TBL1X: variants seen among roughly 807,000 people sequenced by gnomAD.
TBL1X encodes the protein F-box-like/WD repeat-containing protein TBL1X.
Under a neutral mutation model 50.7 loss-of-function variants are expected in TBL1X, and 10 were observed. The observed-to-expected ratio is 0.20, with a 90% CI of 0.12 to 0.33. The LOEUF (loss-of-function observed/expected upper bound fraction) is 0.33. TBL1X is among the 10% of genes least tolerant of loss of function. The pLI, the probability that TBL1X is intolerant of heterozygous loss-of-function variation, is 1.00. For missense variants in TBL1X, 340 were observed against 504.4 expected, an observed-to-expected ratio of 0.67 and a Z score of 3.12; for synonymous variants, 190 against 214.7, an observed-to-expected ratio of 0.88 and a Z score of 1.01.
At chrX:9,508,413 C>T (rs61691888) in intron 2 of TBL1X, among the ~76,000 whole-genome samples, 15,385 of 111,187 alleles carry the variant, frequency 0.14, 816 homozygotes, top group South Asian at 0.29. Flanking sequence ...AGTCAGATGG[C>T]GATTATTGAA....
intron 2 of TBL1X, among the ~76,000 whole-genome samples, chrX:9,627,457 C>T (rs1178679693): frequency 1.8e-5 from 2 of 111,997 alleles, no homozygotes; most frequent in Non-Finnish European, 3.8e-5. Context: ...CAAGACTTAT[C>T]TGAGTCAGGA....
At chrX:9,508,054 C>T (rs2082034992) in intron 2 of TBL1X, among the ~76,000 whole-genome samples, 1 of 112,303 alleles carries the variant, frequency 8.9e-6, no homozygotes, top group South Asian at 3.6e-4. Flanking sequence ...ATGACTAAAA[C>T]ACCAAAAGCA....
At chrX:9,519,105 G>C (rs1227371403) in intron 2 of TBL1X, among the ~76,000 whole-genome samples, 1 of 111,913 alleles carries the variant, frequency 8.9e-6, no homozygotes, top group Non-Finnish European at 1.9e-5. Context: ...ACGTGAAGGA[G>C]ATGCCGCGTG....
At chrX:9,685,503 C>T (rs748764964) in intron 6 of TBL1X, among the ~76,000 whole-genome samples, 2 of 110,386 alleles carry the variant, frequency 1.8e-5, no homozygotes, top group East Asian at 2.9e-4. Flanking sequence ...CCTACTCTGA[C>T]CCAGGCGCGT....
intron 2 of TBL1X, among the ~76,000 whole-genome samples, chrX:9,533,705 G>A (rs1282842666): frequency 9.0e-6 from 1 of 111,158 alleles, no homozygotes; most frequent in African/African-American, 3.3e-5. Flanking sequence ...TTTTGAAAAT[G>A]TGGAGGTCAG....
At chrX:9,629,942 A>C (rs765917357) in intron 2 of TBL1X, among the ~76,000 whole-genome samples, 9 of 111,106 alleles carry the variant, frequency 8.1e-5, no homozygotes, top group Non-Finnish European at 1.7e-4. Context: ...TCTTTCCTGC[A>C]TGTCTACTAC....
rs1193433714 is a variant in TBL1X at position 9,653,592 on chromosome X, C to T, written c.6C>T (p.Thr2=). The change falls in exon 4 of 18, where the codon ACC becomes ACT. Residue 2 remains threonine, a synonymous_variant. Transcript: ENST00000645353. Reference sequence around the variant, plus strand: ...ACATCGAGGTGACATGTAGCATGACCGAGCTCGCTGGCGCCTCTTCATCGT... The same window carrying T: ...ACATCGAGGTGACATGTAGCATGACTGAGCTCGCTGGCGCCTCTTCATCGT... M[T]ELAGASSSCC... is the part of the protein sequence containing the mutation. The T allele has an allele frequency of 1.6e-5, 19 of 1,168,755 alleles. No individual in the cohort carries two copies. The highest frequency in any genetic ancestry group is 3.2e-5 in the East Asian group (1 of 30,847).
At chrX:9,469,667 T>G (rs2081800442) in intron 1 of TBL1X, among the ~76,000 whole-genome samples, 1 of 112,577 alleles carries the variant, frequency 8.9e-6, no homozygotes, top group African/African-American at 3.2e-5. Context: ...TTATGAGTCT[T>G]GACACATGCA....
chrX:9,575,608 TG>T (rs758455426), intron 2 of TBL1X, among the ~76,000 whole-genome samples: 147 of 112,042 alleles, frequency 1.3e-3, no homozygotes, highest in African/African-American at 4.5e-3. Context: ...CTCCACTGTT[TG>T]GCGATTGTGA....
chrX:9,711,036 C>T (rs1031160399), intron 15 of TBL1X, among the ~76,000 whole-genome samples: 3 of 111,869 alleles, frequency 2.7e-5, no homozygotes, highest in Admixed American at 9.5e-5. Flanking sequence ...TTACCATTTA[C>T]GTCTATAGGA....
At chrX:9,557,083 C>T (rs2082304472) in intron 2 of TBL1X, among the ~76,000 whole-genome samples, 1 of 112,030 alleles carries the variant, frequency 8.9e-6, no homozygotes, top group Non-Finnish European at 1.9e-5. Context: ...TTAAGTTGTT[C>T]ATGGTTTCTG....
At chrX:9,638,462 CAT>C (rs753595374) in intron 2 of TBL1X, among the ~76,000 whole-genome samples, 15 of 112,180 alleles carry the variant, frequency 1.3e-4, no homozygotes, top group African/African-American at 1.9e-4. Flanking sequence ...TTATTTTTGA[CAT>C]GTTTCATAAC....
At chrX:9,513,933 G>C (rs928851451) in intron 2 of TBL1X, among the ~76,000 whole-genome samples, 2 of 108,977 alleles carry the variant, frequency 1.8e-5, no homozygotes, top group South Asian at 8.0e-4. Flanking sequence ...GGGAAGGCTA[G>C]GCTCTTTTAA....
intron 2 of TBL1X, among the ~76,000 whole-genome samples, chrX:9,610,240 A>T (rs1288125981): frequency 6.2e-5 from 7 of 112,712 alleles, no homozygotes; most frequent in Non-Finnish European, 1.9e-5. Context: ...TTACAAGAGC[A>T]TGCGGAGGCT....
chrX:9,482,391 C>A (rs865821493), intron 1 of TBL1X, among the ~76,000 whole-genome samples: 3 of 111,969 alleles, frequency 2.7e-5, no homozygotes, highest in Admixed American at 9.5e-5. Flanking sequence ...ATCTGCAGTG[C>A]CACCTCCTGA....
At chrX:9,647,143 A>C (rs1460674797) in intron 3 of TBL1X, among the ~76,000 whole-genome samples, 4 of 111,969 alleles carry the variant, frequency 3.6e-5, no homozygotes, top group Admixed American at 2.8e-4. Context: ...CGAATGCTGA[A>C]CTGTTTTGTG....
intron 2 of TBL1X, among the ~76,000 whole-genome samples, chrX:9,537,618 A>G (rs998776415): frequency 2.0e-5 from 2 of 100,375 alleles, no homozygotes; most frequent in Admixed American, 2.1e-4. Flanking sequence ...AGTTTCATCC[A>G]TGTCATAGCA....
In TBL1X at chrX:9,653,861, G is replaced by A. The variant is rs181623324; in HGVS notation, c.103+172G>A. Among the ~76,000 whole-genome samples, 323 of 111,914 alleles carry A rather than the reference G, an allele frequency of 2.9e-3. 1 individual carries two copies. Among genetic ancestry groups the A allele is most frequent in the African/African-American group, 0.01 (310 of 30,774 alleles). On this transcript the variant is annotated intron_variant, in intron 4 of 17. Transcript: ENST00000645353. ...ATTCCATTCCTGCCGCTTATGGGGC[G>A]CGCTGCGGATCCCTGCATGCACAGA...
chrX:9,520,310 G>GC (rs2082100759), intron 2 of TBL1X, among the ~76,000 whole-genome samples: 1 of 111,098 alleles, frequency 9.0e-6, no homozygotes, highest in African/African-American at 3.3e-5. Context: ...ATCTTTGACC[G>GC]CCCCCCGCCC....
Sources: allele counts gnomAD v4.1 joint callset (sites outside exome capture counted in the v4.1 genomes callset), GRCh38; gene constraint gnomAD v4.1.1; transcripts MANE v1.5; gene names NCBI Gene and HGNC (gene_info 2026-07-23, HGNC 2026-07-21).